The following CAMTA1 variants were observed in gnomAD, a reference collection of about 807,000 sequenced individuals.
CAMTA1 encodes the protein calmodulin-binding transcription activator 1.
In CAMTA1, 27 loss-of-function variants were observed where a neutral mutation model predicts 170.9. That is an observed-to-expected ratio of 0.16 (90% confidence interval 0.12 to 0.22). The LOEUF (loss-of-function observed/expected upper bound fraction) is 0.22. Ranked by LOEUF, CAMTA1 falls within the 10% of genes least tolerant of loss-of-function variation. The pLI is 1.00. For missense variants in CAMTA1, 1,619 were observed against 2,217.2 expected, an observed-to-expected ratio of 0.73 and a Z score of 5.42; for synonymous variants, 833 against 891.5, an observed-to-expected ratio of 0.93 and a Z score of 1.17.
Position 7,234,353 on chromosome 1 carries a change from C to T in CAMTA1, c.303-15138C>T, listed in dbSNP as rs1663409205. ...GAGAGGCCTCTTGGCTGCCCATTGC[C>T]ACCCACTCACAGCTGTTCTCAAACC... On this transcript the variant is annotated intron_variant, in intron 4 of 22. Coordinates refer to ENST00000303635, the MANE Select transcript of CAMTA1 (RefSeq NM_015215.4). This position sits in a 1 kb window ranked among gnomAD's most constrained non-coding sequence, Gnocchi z 5.0. 1.3e-5 allele frequency among the ~76,000 whole-genome samples: 2 copies of T among 152,190 alleles called. No individual in the cohort carries two copies. The highest frequency in any genetic ancestry group is 2.9e-5 in the Non-Finnish European group (2 of 68,040).
intron 6 of CAMTA1, among the ~76,000 whole-genome samples, chr1:7,594,598 A>AGGCC (rs962924938): frequency 3.3e-5 from 5 of 152,210 alleles, no homozygotes; most frequent in Non-Finnish European, 7.3e-5. Flanking sequence ...AGCTACTGGA[A>AGGCC]GGCCCTCTCA....
intron 7 of CAMTA1, among the ~76,000 whole-genome samples, chr1:7,655,625 TAC>T (rs1374153065): frequency 2.2e-5 from 2 of 89,998 alleles, no homozygotes; most frequent in African/African-American, 4.6e-5. Flanking sequence ...CACACACCTA[TAC>T]ACACACCTAT....
At chr1:6,865,345 G>A (rs1666224900) in intron 3 of CAMTA1, among the ~76,000 whole-genome samples, 1 of 152,136 alleles carries the variant, frequency 6.6e-6, no homozygotes, top group Non-Finnish European at 1.5e-5. Context: ...CAGTTACTGG[G>A]AACCTGGGTC....
chr1:7,702,049 G>A (rs1019888894), intron 11 of CAMTA1, among the ~76,000 whole-genome samples: 1 of 152,038 alleles, frequency 6.6e-6, no homozygotes, highest in East Asian at 1.9e-4. Flanking sequence ...GAAGCCTCCT[G>A]CTCCTGTGGT....
chr1:7,208,401 T>C (rs1248870177), intron 4 of CAMTA1, among the ~76,000 whole-genome samples: 1 of 146,936 alleles, frequency 6.8e-6, no homozygotes, highest in Non-Finnish European at 1.5e-5. Context: ...CTTTACCCTA[T>C]TGAGTATTGG....
Position 7,146,447 on chromosome 1 carries a change from C to T in CAMTA1, c.302+55076C>T, listed in dbSNP as rs924715439. ...TAATGCTTCCCATCAAGAGTCCTGT[C>T]GGGGAAAGTCTGGGAATATCTGTTT... On this transcript the variant is annotated intron_variant, in intron 4 of 22. Coordinates refer to ENST00000303635, the MANE Select transcript of CAMTA1 (RefSeq NM_015215.4). The surrounding 1 kb of genome is among the most constrained non-coding windows in gnomAD (Gnocchi z 4.3). 3.9e-5 allele frequency among the ~76,000 whole-genome samples: 6 copies of T among 152,160 alleles called. No individual in the cohort carries two copies. Among genetic ancestry groups the T allele is most frequent in the Admixed American group, 2.6e-4 (4 of 15,280 alleles).
intron 6 of CAMTA1, among the ~76,000 whole-genome samples, chr1:7,475,515 C>T (rs1363254012): frequency 1.3e-5 from 2 of 152,206 alleles, no homozygotes; most frequent in Admixed American, 6.5e-5. Flanking sequence ...AGACCCTCTG[C>T]GCACCATCCC....
At chr1:7,230,089 C>T (rs941923841) in intron 4 of CAMTA1, among the ~76,000 whole-genome samples, 1 of 152,090 alleles carries the variant, frequency 6.6e-6, no homozygotes, top group Non-Finnish European at 1.5e-5. Context: ...CAGGAGCACC[C>T]AGAAAGCCGG....
intron 4 of CAMTA1, among the ~76,000 whole-genome samples, chr1:7,188,707 CTG>C (rs1311094555): frequency 6.6e-6 from 1 of 152,184 alleles, no homozygotes. Context: ...AGCTGCTCAT[CTG>C]TCAATGGAAA....
At chr1:7,401,731 T>G (rs766400730) in intron 5 of CAMTA1, among the ~76,000 whole-genome samples, 4 of 152,228 alleles carry the variant, frequency 2.6e-5, no homozygotes, top group Non-Finnish European at 5.9e-5. Flanking sequence ...TTAACTTTTT[T>G]GTTGCTATCA....
chr1:7,488,541 C>T (rs1438798000), intron 6 of CAMTA1, among the ~76,000 whole-genome samples: 1 of 152,108 alleles, frequency 6.6e-6, no homozygotes, highest in Non-Finnish European at 1.5e-5. Context: ...CACATGCACA[C>T]ACATACATCT....
In CAMTA1 at chr1:6,908,602, T is replaced by C. The variant is rs540174554; in HGVS notation, c.234+83392T>C. 2.4e-4 allele frequency among the ~76,000 whole-genome samples: 37 copies of C among 152,328 alleles called. 1 individual carries two copies. Among genetic ancestry groups the C allele is most frequent in the Admixed American group, 6.5e-4 (10 of 15,302 alleles). ...TTGGTGCAGCCCAGGTTCATAGTTG[T>C]GGATTATAGTCCTCGTTCCTTTTCT... is the stretch of plus-strand genomic sequence containing the variant. On this transcript the variant is annotated intron_variant, in intron 3 of 22. Coordinates refer to ENST00000303635, the MANE Select transcript of CAMTA1 (RefSeq NM_015215.4).
In CAMTA1 at chr1:7,738,286, G is replaced by C; in HGVS notation, c.3986G>C (p.Gly1329Ala). 6.2e-7 allele frequency: 1 copy of C among 1,614,148 alleles called. No homozygotes were observed. The highest frequency in any genetic ancestry group is 1.1e-5 in the South Asian group (1 of 91,084). The change falls in exon 16 of 23, where the codon GGT (glycine) becomes GCT (alanine). Residue 1329 changes from glycine to alanine, a missense_variant. Around this residue, in one of 8 missense-constraint regions of CAMTA1, gnomAD observed 370 missense variants for 429.4 expected, o/e 0.86. Coordinates refer to ENST00000303635, the MANE Select transcript of CAMTA1 (RefSeq NM_015215.4). This position sits in a 1 kb window ranked among gnomAD's most constrained non-coding sequence, Gnocchi z 4.9. ...TGGAATTCCAAAGATCTTTACATTG[G>C]TGTGTCTACAGTACAGGTGACTGGA... ...GKWNSKDLYI[G>A]VSTVQVTGNP... is the part of the protein sequence containing the mutation.
intron 1 of CAMTA1, among the ~76,000 whole-genome samples, chr1:6,792,258 G>A (rs891614657): frequency 6.6e-6 from 1 of 151,862 alleles, no homozygotes; most frequent in Non-Finnish European, 1.5e-5. Flanking sequence ...GTGCCTGGCC[G>A]GAAGTGTTTC....
rs1300187173 is a variant in CAMTA1 at position 7,641,762 on chromosome 1, A to T, written c.664+1209A>T. Among the ~76,000 whole-genome samples the T allele has an allele frequency of 6.6e-6, 1 of 152,164 alleles. No homozygotes were observed. The highest frequency in any genetic ancestry group is 1.5e-5 in the Non-Finnish European group (1 of 68,014). On this transcript the variant is annotated intron_variant, in intron 7 of 22. Coordinates refer to ENST00000303635, the MANE Select transcript of CAMTA1 (RefSeq NM_015215.4). This position sits in a 1 kb window ranked among gnomAD's most constrained non-coding sequence, Gnocchi z 4.5. ...AGTACCCCGTGGGGAGGTTTGGACC[A>T]GGCTTGCCTCAGTGCTTCTGCCTGG...
intron 11 of CAMTA1, among the ~76,000 whole-genome samples, chr1:7,716,522 ATAAT>A (rs1280297982): frequency 2.6e-5 from 4 of 152,180 alleles, no homozygotes; most frequent in African/African-American, 4.8e-5. Context: ...GAAAAACATT[ATAAT>A]TAATAAACTT....
intron 4 of CAMTA1, among the ~76,000 whole-genome samples, chr1:7,163,559 A>G (rs549204956): frequency 1.9e-4 from 29 of 152,306 alleles, no homozygotes; most frequent in Non-Finnish European, 3.7e-4. Flanking sequence ...AGCAGGAGAA[A>G]TACTTTGGAA....
chr1:7,124,095 G>A (rs115509165), intron 4 of CAMTA1, among the ~76,000 whole-genome samples: 1,795 of 152,260 alleles, frequency 0.012, 30 homozygotes, highest in African/African-American at 0.041. Context: ...AGCCTGCTGG[G>A]TGCCTTGTCA....
At chr1:7,590,678 G>A (rs945946996) in intron 6 of CAMTA1, among the ~76,000 whole-genome samples, 1 of 152,206 alleles carries the variant, frequency 6.6e-6, no homozygotes, top group Admixed American at 6.5e-5. Context: ...GAACCTTAGA[G>A]GTGTCCCAAA....
Sources: allele counts gnomAD v4.1 joint callset (sites outside exome capture counted in the v4.1 genomes callset), GRCh38; gene constraint gnomAD v4.1.1; regional missense constraint gnomAD v4.1.1; non-coding constraint Gnocchi (gnomAD v3.1); transcripts MANE v1.5; gene names NCBI Gene and HGNC (gene_info 2026-07-23, HGNC 2026-07-21).